The following SMC2 variants were observed in gnomAD, a reference collection of about 807,000 sequenced individuals.
The protein encoded by SMC2 is structural maintenance of chromosomes 2.
A neutral mutation model predicts 142.6 loss-of-function variants in SMC2; 41 were observed. The observed-to-expected ratio is 0.29, with a 90% confidence interval of 0.22 to 0.37. The LOEUF (loss-of-function observed/expected upper bound fraction) is 0.37. Among genes scored for constraint, SMC2 ranks in the 10% least tolerant of loss-of-function variants. SMC2 has a pLI of 1.00. For synonymous variants in SMC2, 463 were observed against 457.5 expected (o/e 1.01, Z -0.15); for missense variants, 1,265 against 1,373.7 (o/e 0.92, Z 1.25).
chr9:104,109,580 G>T (rs372982943), intron 9 of SMC2, among the ~76,000 whole-genome samples: 9 of 152,136 alleles, frequency 5.9e-5, no homozygotes, highest in African/African-American at 2.2e-4. Context: ...ATCCTTCAGT[G>T]GTTTCCGAAT....
intron 15 of SMC2, among the ~76,000 whole-genome samples, chr9:104,118,576 T>G (rs1470099181): frequency 2.6e-5 from 4 of 152,176 alleles, no homozygotes; most frequent in Non-Finnish European, 5.9e-5. Context: ...CTTAATGCCT[T>G]AAAGGAATTC....
chr9:104,105,491 A>C (rs1831653515), intron 9 of SMC2, among the ~76,000 whole-genome samples: 1 of 152,120 alleles, frequency 6.6e-6, no homozygotes, highest in African/African-American at 2.4e-5. Context: ...TTGCCAGCTA[A>C]ATCTCGTTAG....
chr9:104,099,538 G>C, intron 4 of SMC2, 106 bp from the exon 5 acceptor site: 1 of 727,074 alleles, frequency 1.4e-6, no homozygotes. Flanking sequence ...CCCAAAGATT[G>C]GTATATTGAG....
rs752853747 is a variant in SMC2 at position 104,118,384 on chromosome 9, T to C, written c.1996+9T>C. The C allele has an allele frequency of 1.2e-6, 2 of 1,606,150 alleles. No individual in the cohort carries two copies. The highest frequency in any genetic ancestry group is 1.7e-6 in the Non-Finnish European group (2 of 1,174,086). ...TGGGACATTGAGTGGAGGTAAGTTTTATATCCTTTTCTCCTCACAATTCTT... is the reference window on the plus strand; with the variant it reads ...TGGGACATTGAGTGGAGGTAAGTTTCATATCCTTTTCTCCTCACAATTCTT... On this transcript the variant is annotated intron_variant, in intron 15 of 24. Coordinates refer to ENST00000374793, the MANE Select transcript of SMC2 (RefSeq NM_006444.3).
chr9:104,112,684 C>T (rs886416110), intron 10 of SMC2, among the ~76,000 whole-genome samples: 1 of 152,152 alleles, frequency 6.6e-6, no homozygotes, highest in South Asian at 2.1e-4. Context: ...CATCATTATA[C>T]AGTTTTGGAG....
upstream of SMC2, among the ~76,000 whole-genome samples, chr9:104,093,333 T>C (rs924205835): frequency 3.3e-5 from 5 of 152,154 alleles, no homozygotes; most frequent in Admixed American, 6.6e-5. Context: ...TAGGATCGGC[T>C]AATAATACTA....
chr9:104,138,574 CAAAG>C (rs10591908), intron 24 of SMC2, among the ~76,000 whole-genome samples: 8,787 of 152,104 alleles, frequency 0.058, 670 homozygotes, highest in African/African-American at 0.18. Flanking sequence ...AAAAGTAGAA[CAAAG>C]AAAGCCTCTT....
intron 16 of SMC2, among the ~76,000 whole-genome samples, chr9:104,120,589 A>G (rs1587961726): frequency 6.6e-6 from 1 of 152,174 alleles, no homozygotes; most frequent in East Asian, 1.9e-4. Context: ...TGTCCTACAT[A>G]TATCAAGGAT....
At chr9:104,135,320 T>C (rs1291325831) in intron 23 of SMC2, among the ~76,000 whole-genome samples, 1 of 152,066 alleles carries the variant, frequency 6.6e-6, no homozygotes, top group Non-Finnish European at 1.5e-5. Context: ...AAAAAAAGTT[T>C]ACTGCATGAG....
intron 8 of SMC2, 54 bp downstream of exon 8, chr9:104,102,247 T>TTA (rs1028187593): frequency 2.2e-5 from 25 of 1,136,468 alleles, no homozygotes; most frequent in African/African-American, 6.3e-5. Flanking sequence ...ACGTACTAAA[T>TTA]TATATATAGT....
At chr9:104,100,917 G>A (rs1381872491) in intron 7 of SMC2, among the ~76,000 whole-genome samples, 1 of 152,154 alleles carries the variant, frequency 6.6e-6, no homozygotes, top group Non-Finnish European at 1.5e-5. Flanking sequence ...GGCACAATAT[G>A]TCATCAAAAA....
At chr9:104,116,358 A>G in intron 14 of SMC2, 39 bp downstream of exon 14, 1 of 1,547,746 alleles carries the variant, frequency 6.5e-7, no homozygotes. Flanking sequence ...TTTAATCGTC[A>G]TCTGTGGTTT....
chr9:104,111,660 A>G lies in SMC2; in HGVS notation c.1100A>G (p.Asn367Ser). The stretch of plus-strand genomic sequence containing the variant: ...CTGCATGCCCTTCAAGAAGCAAGTA[A>G]TAAAGATGCTGAAGCTCTGGCAGCT... ...DGLHALQEASNKDAEALAAAQ... is the reference protein window; with the variant it reads ...DGLHALQEASSKDAEALAAAQ... Residue 367 changes from asparagine (N) to serine (S), a missense_variant, in exon 10 of 25, where the codon AAT becomes AGT. Around this residue, in one of 4 missense-constraint regions of SMC2, gnomAD observed 898 missense variants for 904.2 expected, o/e 0.99. Transcript: ENST00000374793. 6.2e-7 allele frequency: 1 copy of G among 1,614,096 alleles called. No individual in the cohort carries two copies. Among genetic ancestry groups the G allele is most frequent in the South Asian group, 1.1e-5 (1 of 91,084 alleles).
chr9:104,121,793 CT>C (rs201222369), intron 16 of SMC2, among the ~76,000 whole-genome samples: 2 of 151,188 alleles, frequency 1.3e-5, no homozygotes, highest in East Asian at 3.9e-4. Context: ...TTGTCTTTTT[CT>C]TTTTTTTTGA....
upstream of SMC2, among the ~76,000 whole-genome samples, chr9:104,091,118 AAAT>A (rs1197482224): frequency 1.3e-5 from 2 of 152,224 alleles, no homozygotes. Context: ...CCCACAGTTC[AAAT>A]AATATGGCGT....
Position 104,126,726 on chromosome 9 carries a change from C to T in SMC2, c.2537C>T (p.Ala846Val), listed in dbSNP as rs778514799. ...CAACAGCTTGAAGCTGTAAATGAAG[C>T]TATCAAATCCTATGAAAGTCAGATT... ...YKQQLEAVNE[A>V]IKSYESQIEV... is the part of the protein sequence containing the mutation. The change falls in exon 19 of 25, where the codon GCT (alanine) becomes GTT (valine). Residue 846 changes from alanine to valine, a missense_variant. Physicochemically the swap from Ala to Val is moderately conservative, Grantham distance 64. Transcript: ENST00000374793. 1 of 1,612,766 alleles carries T rather than the reference C, an allele frequency of 6.2e-7. No individual in the cohort carries two copies. The highest frequency in any genetic ancestry group is 1.7e-5 in the Admixed American group (1 of 59,892).
chr9:104,113,266 G>T, intron 10 of SMC2, 50 bp from the exon 11 acceptor site: 2 of 1,428,930 alleles, frequency 1.4e-6, no homozygotes, highest in Non-Finnish European at 1.9e-6. Context: ...TTAATTACTA[G>T]CACTGTCTGC....
upstream of SMC2, among the ~76,000 whole-genome samples, chr9:104,091,341 T>G (rs1014203321): frequency 2.0e-5 from 3 of 152,210 alleles, no homozygotes; most frequent in African/African-American, 4.8e-5. Flanking sequence ...GTGTTTGTGT[T>G]TCTAAACAGA....
chr9:104,096,275 A>C lies in SMC2; in HGVS notation c.296A>C (p.Asp99Ala). The C allele has an allele frequency of 6.2e-7, 1 of 1,614,174 alleles. No individual in the cohort carries two copies. Among genetic ancestry groups the C allele is most frequent in the Non-Finnish European group, 8.5e-7 (1 of 1,179,984 alleles). Residue 99 changes from aspartate to alanine, a missense_variant, in exon 3 of 25, where the codon GAT becomes GCT. By Grantham distance (126) the Asp-to-Ala change is moderately radical. Transcript: ENST00000374793. ...KQSPLGFEVH[D>A]EITVTRQVVI... ...AGTCCTTTAGGATTTGAGGTTCATG[A>C]TGAAATCACAGTAACAAGGCAGGTG...
Sources: allele counts gnomAD v4.1 joint callset (sites outside exome capture counted in the v4.1 genomes callset), GRCh38; gene constraint gnomAD v4.1.1; regional missense constraint gnomAD v4.1.1; transcripts MANE v1.5; gene names NCBI Gene and HGNC (gene_info 2026-07-23, HGNC 2026-07-21).